Variants in PCDH15 observed in about 807,000 individuals in gnomAD.
PCDH15 encodes protocadherin-15.
Under a neutral mutation model 178.5 loss-of-function variants are expected in PCDH15, and 129 were observed. That is an observed-to-expected ratio of 0.72 (90% confidence interval 0.63 to 0.84). The LOEUF is 0.84. Ranked by LOEUF, PCDH15 falls within the 40% of genes least tolerant of loss-of-function variation. The probability of loss-of-function intolerance (pLI) is 0.00; values close to 1 mark genes in which losing one functional copy is unlikely to be tolerated. For synonymous variants in PCDH15, 800 were observed against 732.0 expected (o/e 1.09, Z -1.50); for missense variants, 2,230 against 2,099.9 (o/e 1.06, Z -1.21).
intron 2 of PCDH15, among the ~76,000 whole-genome samples, chr10:55,152,371 T>TTTG (rs57809843): frequency 0.52 from 55,538 of 106,216 alleles, 10,552 homozygotes; most frequent in Non-Finnish European, 0.6. Flanking sequence ...GTGCTTAGGA[T>TTTG]TTTTTCTAGT....
At chr10:54,421,816 GTATA>G (rs71185272) in intron 3 of PCDH15, among the ~76,000 whole-genome samples, 2,748 of 107,916 alleles carry the variant, frequency 0.025, 167 homozygotes, top group African/African-American at 0.095. Flanking sequence ...TGTAGTGTGT[GTATA>G]TATATATATA....
At position 54,657,522 on chromosome 10, in the gene PCDH15, C is replaced by T. The variant is rs1403123728; in HGVS notation, c.91+6650G>A. Among the ~76,000 whole-genome samples, 4 of 152,110 alleles carry T rather than the reference C, an allele frequency of 2.6e-5. No homozygotes were observed. In the East Asian group the frequency reaches 5.8e-4, roughly 22 times the overall value. On this transcript the variant is annotated intron_variant, in intron 2 of 37. Coordinates refer to ENST00000644397, the MANE Select transcript of PCDH15 (RefSeq NM_001384140.1). ...CCTGAGACCTCTGTACTCTCAGCCT[C>T]GCAGGAGATAGTGTCAGCTGACACA...
chr10:54,808,522 C>A (rs945364198), intron 3 of PCDH15, among the ~76,000 whole-genome samples: 27 of 152,164 alleles, frequency 1.8e-4, no homozygotes, highest in African/African-American at 6.3e-4. Context: ...ATAACCCAGG[C>A]AGTCTCATCT....
At chr10:54,537,579 T>G (rs1217446907) in intron 2 of PCDH15, among the ~76,000 whole-genome samples, 1 of 152,216 alleles carries the variant, frequency 6.6e-6, no homozygotes, top group Non-Finnish European at 1.5e-5. Flanking sequence ...TCTACCATTA[T>G]CAAGTAGGCT....
chr10:55,255,030 C>A lies in PCDH15; in HGVS notation c.-156+64569G>T, dbSNP rs903217514. On this transcript the variant is annotated intron_variant, in intron 1 of 5. Coordinates refer to the PCDH15 transcript ENST00000458638. ...GGTTAGTTACATATGTATACATGTG[C>A]CATGTTGGTGTGCTGCACCCATTAA... 7.2e-5 allele frequency among the ~76,000 whole-genome samples: 11 copies of A among 152,078 alleles called. No individual in the cohort carries two copies. The East Asian group carries it at 2.1e-3, about 29-fold the overall frequency.
rs1208363383 is a variant in PCDH15 at position 55,009,840 on chromosome 10, C to G, written c.-79-112340G>C. On this transcript the variant is annotated intron_variant, in intron 2 of 5. Coordinates refer to the PCDH15 transcript ENST00000458638. ...TTGTCTTCTAATGGGTAAATCAATA[C>G]TTTGCTTAATGGTATCTGTTTCTCA... 2.0e-5 allele frequency among the ~76,000 whole-genome samples: 3 copies of G among 152,100 alleles called. No homozygotes were observed. The East Asian group carries it at 5.8e-4, about 29-fold the overall frequency.
chr10:54,209,923 C>T (rs2051229990), intron 10 of PCDH15, among the ~76,000 whole-genome samples: 1 of 152,080 alleles, frequency 6.6e-6, no homozygotes, highest in Admixed American at 6.6e-5. Context: ...GTTGTAGTAG[C>T]TGTCCTCCTC....
intron 2 of PCDH15, among the ~76,000 whole-genome samples, chr10:55,130,891 A>G (rs1838024113): frequency 6.6e-6 from 1 of 152,142 alleles, no homozygotes; most frequent in Admixed American, 6.5e-5. Context: ...ATTATTATAA[A>G]AAATGTTATC....
intron 3 of PCDH15, among the ~76,000 whole-genome samples, chr10:54,876,175 T>C: frequency 6.6e-6 from 1 of 152,126 alleles, no homozygotes; most frequent in South Asian, 2.1e-4. Context: ...GAAGCCTGGA[T>C]GACAACACAT....
At chr10:54,296,360 C>G (rs992735854) in intron 8 of PCDH15, among the ~76,000 whole-genome samples, 1 of 151,938 alleles carries the variant, frequency 6.6e-6, no homozygotes, top group African/African-American at 2.4e-5. Context: ...GTCCCAACAA[C>G]AAGTTGGTTG....
intron 26 of PCDH15, among the ~76,000 whole-genome samples, chr10:53,885,080 T>C (rs986127389): frequency 6.6e-6 from 1 of 152,170 alleles, no homozygotes; most frequent in Non-Finnish European, 1.5e-5. Context: ...CAGAACTTTC[T>C]ATCAATACAT....
intron 3 of PCDH15, among the ~76,000 whole-genome samples, chr10:54,839,134 G>A (rs1953372609): frequency 6.6e-6 from 1 of 152,056 alleles, no homozygotes; most frequent in African/African-American, 2.4e-5. Context: ...AAAAATACAG[G>A]CAAACATGAT....
At chr10:53,939,686 T>C (rs1040866343) in intron 24 of PCDH15, among the ~76,000 whole-genome samples, 3 of 152,100 alleles carry the variant, frequency 2.0e-5, no homozygotes, top group Non-Finnish European at 4.4e-5. Flanking sequence ...ATCTATTTTG[T>C]ACATTGTTCT....
intron 13 of PCDH15, among the ~76,000 whole-genome samples, chr10:54,171,842 T>C (rs2046941694): frequency 6.6e-6 from 1 of 151,682 alleles, no homozygotes; most frequent in Non-Finnish European, 1.5e-5. Flanking sequence ...CAAATGTTTC[T>C]TCTAACATCC....
intron 2 of PCDH15, among the ~76,000 whole-genome samples, chr10:55,417,163 G>A (rs1744683725): frequency 6.6e-6 from 1 of 151,682 alleles, no homozygotes; most frequent in African/African-American, 2.4e-5. Flanking sequence ...AGCTTTATTG[G>A]CACATAGCCA....
intron 8 of PCDH15, among the ~76,000 whole-genome samples, chr10:54,314,483 C>G (rs1312039525): frequency 6.6e-6 from 1 of 151,978 alleles, no homozygotes; most frequent in Non-Finnish European, 1.5e-5. Flanking sequence ...ATGGAGCAAA[C>G]CCACCCTCTT....
At chr10:55,467,347 A>T (rs1004958041) in intron 2 of PCDH15, among the ~76,000 whole-genome samples, 1 of 150,458 alleles carries the variant, frequency 6.6e-6, no homozygotes. Context: ...AAACAGGAGG[A>T]AAAGAAAAGC....
At chr10:55,561,789 A>G (rs1018313955) in intron 2 of PCDH15, among the ~76,000 whole-genome samples, 2 of 151,852 alleles carry the variant, frequency 1.3e-5, no homozygotes, top group Non-Finnish European at 2.9e-5. Flanking sequence ...ATTTGGATTC[A>G]TTTTGGGGAG....
intron 2 of PCDH15, among the ~76,000 whole-genome samples, chr10:55,069,009 T>C (rs1433805410): frequency 2.0e-5 from 3 of 151,814 alleles, no homozygotes; most frequent in African/African-American, 7.3e-5. Context: ...GCGATTCTTG[T>C]GCCTCACCCT....
Sources: gnomAD v4.1 joint callset for allele counts (sites outside exome capture counted in the v4.1 genomes callset) on GRCh38, gnomAD v4.1.1 for gene constraint, MANE v1.5 for transcripts, NCBI Gene and HGNC (gene_info 2026-07-23, HGNC 2026-07-21) for gene names.